Variants in OXR1 observed in about 807,000 individuals in gnomAD.
OXR1 encodes oxidation resistance 1.
Under a neutral mutation model 104.6 loss-of-function variants are expected in OXR1, and 41 were observed. The observed-to-expected ratio is 0.39, with a 90% CI of 0.31 to 0.51. The LOEUF (loss-of-function observed/expected upper bound fraction) is 0.51. Ranked by LOEUF, OXR1 falls within the 20% of genes least tolerant of loss-of-function variation. The pLI is 0.77. For missense variants in OXR1, 955 were observed against 1,031.9 expected (o/e 0.93, Z 1.02); for synonymous variants, 348 against 348.4 (o/e 1.00, Z 0.01).
At chr8:106,601,580 C>T (rs952429094) in intron 3 of OXR1, among the ~76,000 whole-genome samples, 9 of 152,162 alleles carry the variant, frequency 5.9e-5, no homozygotes, top group Admixed American at 2.6e-4. Flanking sequence ...CTAAAGGCTC[C>T]GTCTCCTAAT....
rs1369732104 is a variant in OXR1 at position 106,703,207 on chromosome 8, A to C, written c.860+117A>C. Reference sequence around the variant, plus strand: ...ATAGCTGCCTTTTATTTTGTCAATAATGAAACGAAAATATATGCATTATTG... The same window carrying C: ...ATAGCTGCCTTTTATTTTGTCAATACTGAAACGAAAATATATGCATTATTG... On this transcript the variant is annotated intron_variant, in intron 8 of 16. Coordinates refer to ENST00000517566, the MANE Select transcript of OXR1 (RefSeq NM_001198533.2). The C allele has an allele frequency of 4.8e-6, 3 of 623,826 alleles. No individual in the cohort carries two copies. The East Asian group carries it at 8.2e-5, about 17-fold the overall frequency. 38.6% of individuals were successfully genotyped at this position (623,826 alleles called of 1,614,324 possible).
intron 1 of OXR1, among the ~76,000 whole-genome samples, chr8:106,295,094 A>G (rs1299993184): frequency 6.6e-6 from 1 of 152,188 alleles, no homozygotes; most frequent in African/African-American, 2.4e-5. Context: ...CTTACAAGCT[A>G]AGTGATGTGA....
At position 106,745,761 on chromosome 8, in the gene OXR1, A is replaced by G. The variant is rs964530235; in HGVS notation, c.2413-28A>G. 10 of 1,147,752 alleles carry G rather than the reference A, an allele frequency of 8.7e-6. No homozygotes were observed. In the Admixed American group the frequency reaches 9.5e-5, roughly 11 times the overall value. 71.1% of individuals were successfully genotyped at this position (1,147,752 alleles called of 1,614,324 possible). The stretch of plus-strand genomic sequence containing the variant: ...TCTATAATAACCATTTCATCTATAT[A>G]TTTAAAGCTTTTTTTAAATTTATAT... On this transcript the variant is annotated intron_variant, in intron 15 of 16. Transcript: ENST00000517566.
At chr8:106,348,632 C>A (rs1815597052) in intron 1 of OXR1, among the ~76,000 whole-genome samples, 1 of 151,850 alleles carries the variant, frequency 6.6e-6, no homozygotes, top group Non-Finnish European at 1.5e-5. Flanking sequence ...ATAAATATAT[C>A]AAAACAGCTG....
At chr8:106,543,858 A>G (rs984820327) in intron 3 of OXR1, among the ~76,000 whole-genome samples, 1 of 152,182 alleles carries the variant, frequency 6.6e-6, no homozygotes, top group African/African-American at 2.4e-5. Context: ...CCATGTCACA[A>G]ATGGAGGAAA....
At chr8:106,345,409 C>T (rs1316394891) in intron 1 of OXR1, among the ~76,000 whole-genome samples, 3 of 152,202 alleles carry the variant, frequency 2.0e-5, no homozygotes, top group Non-Finnish European at 4.4e-5. Context: ...TAAAGATAGC[C>T]TTTGCTATCC....
At chr8:106,461,767 G>A (rs142389775) in intron 2 of OXR1, among the ~76,000 whole-genome samples, 5 of 152,130 alleles carry the variant, frequency 3.3e-5, no homozygotes, top group East Asian at 1.9e-4. Context: ...GATAATATGC[G>A]CAGTGTCACA....
chr8:106,624,294 A>G (rs1821968118), intron 3 of OXR1, among the ~76,000 whole-genome samples: 1 of 152,346 alleles, frequency 6.6e-6, no homozygotes, highest in African/African-American at 2.4e-5. Context: ...AGATATTTAG[A>G]TAACAAATGT....
Position 106,410,029 on chromosome 8 carries a change from T to A in OXR1, c.23+50393T>A, listed in dbSNP as rs189285087. Reference sequence around the variant, plus strand: ...ACACACACACACATAAGAACTTTTTTAAAGAAACTACCAACAAAATCTCAA... The same window carrying A: ...ACACACACACACATAAGAACTTTTTAAAAGAAACTACCAACAAAATCTCAA... On this transcript the variant is annotated intron_variant, in intron 2 of 16. Coordinates refer to ENST00000517566, the MANE Select transcript of OXR1 (RefSeq NM_001198533.2). Among the ~76,000 whole-genome samples, 242 of 152,040 alleles carry A rather than the reference T, an allele frequency of 1.6e-3. 3 individuals carry two copies. Among genetic ancestry groups the A allele is most frequent in the Non-Finnish European group, 2.6e-3 (176 of 67,908 alleles).
At chr8:106,331,126 C>G (rs7834930) in intron 1 of OXR1, among the ~76,000 whole-genome samples, 94,975 of 152,080 alleles carry the variant, frequency 0.62, 30,081 homozygotes, top group African/African-American at 0.73. Flanking sequence ...AGACATGCTT[C>G]TTACTTGTTT....
chr8:106,661,830 A>G (rs1025159844), intron 3 of OXR1, among the ~76,000 whole-genome samples: 4 of 152,162 alleles, frequency 2.6e-5, no homozygotes, highest in Non-Finnish European at 5.9e-5. Context: ...CTCATATTCA[A>G]TTTATATCTC....
At chr8:106,609,052 T>A (rs1021325798) in intron 3 of OXR1, among the ~76,000 whole-genome samples, 5 of 152,298 alleles carry the variant, frequency 3.3e-5, no homozygotes, top group African/African-American at 4.8e-5. Context: ...CTTTCTGTTT[T>A]TACTTTCTTG....
chr8:106,625,888 G>A (rs1448843111), intron 3 of OXR1, among the ~76,000 whole-genome samples: 1 of 151,782 alleles, frequency 6.6e-6, no homozygotes, highest in African/African-American at 2.4e-5. Flanking sequence ...GATTATATAT[G>A]TCTTTTTAGG....
At chr8:106,512,272 G>A (rs1465510750) in intron 2 of OXR1, among the ~76,000 whole-genome samples, 3 of 152,098 alleles carry the variant, frequency 2.0e-5, no homozygotes, top group African/African-American at 7.2e-5. Context: ...AGTCTTAAAT[G>A]CTATTCTGTT....
chr8:106,632,424 A>G (rs1170393758), intron 3 of OXR1, among the ~76,000 whole-genome samples: 2 of 152,184 alleles, frequency 1.3e-5, no homozygotes, highest in East Asian at 1.9e-4. Flanking sequence ...ATTCATTTTT[A>G]TGTTCAGCTT....
At chr8:106,668,527 A>G (rs1826591334) in intron 3 of OXR1, among the ~76,000 whole-genome samples, 1 of 152,190 alleles carries the variant, frequency 6.6e-6, no homozygotes, top group Admixed American at 6.5e-5. Context: ...TATATGGAAG[A>G]TCTCTGGTTT....
chr8:106,707,564 G>A (rs1831266407), intron 9 of OXR1: 2 of 261,998 alleles, frequency 7.6e-6, no homozygotes, highest in Non-Finnish European at 7.1e-6. Context: ...TTTATAAAAT[G>A]TACAGTTAAA....
At chr8:106,702,835 G>T in intron 7 of OXR1, 71 bp from the exon 8 acceptor site, 2 of 1,178,180 alleles carry the variant, frequency 1.7e-6, no homozygotes, top group Non-Finnish European at 2.4e-6. Flanking sequence ...AAGAAAATTA[G>T]TAAAAATAGC....
At chr8:106,510,366 G>T (rs899795903) in intron 2 of OXR1, among the ~76,000 whole-genome samples, 1 of 152,112 alleles carries the variant, frequency 6.6e-6, no homozygotes, top group African/African-American at 2.4e-5. Flanking sequence ...TGATCTGGTG[G>T]TGTGCACTTC....
Sources: allele counts gnomAD v4.1 joint callset (sites outside exome capture counted in the v4.1 genomes callset), GRCh38; gene constraint gnomAD v4.1.1; transcripts MANE v1.5; gene names NCBI Gene and HGNC (gene_info 2026-07-23, HGNC 2026-07-21).